Variants in DSCAM observed in about 807,000 individuals in gnomAD.
The protein encoded by DSCAM is DS cell adhesion molecule.
A neutral mutation model predicts 217.7 loss-of-function variants in DSCAM; 47 were observed. The observed-to-expected ratio is 0.22, with a 90% CI of 0.17 to 0.28. DSCAM has a LOEUF of 0.28. DSCAM is among the 10% of genes least tolerant of loss of function. The pLI, the probability that DSCAM is intolerant of heterozygous loss-of-function variation, is 1.00. For synonymous variants in DSCAM, 1,056 were observed against 1,015.3 expected (o/e 1.04, Z -0.76); for missense variants, 2,080 against 2,618.3 (o/e 0.79, Z 4.49).
intron 3 of DSCAM, among the ~76,000 whole-genome samples, chr21:40,557,626 T>C (rs1041020737): frequency 4.6e-5 from 7 of 152,210 alleles, no homozygotes. Flanking sequence ...TGAGCCACCA[T>C]GCCCAGCTGC....
chr21:40,359,306 G>T (rs1386657919), intron 4 of DSCAM, among the ~76,000 whole-genome samples: 2 of 152,178 alleles, frequency 1.3e-5, no homozygotes, highest in Admixed American at 1.3e-4. Context: ...CTTTTAAGCA[G>T]AATTTCCTAC....
intron 3 of DSCAM, among the ~76,000 whole-genome samples, chr21:40,517,458 G>A (rs62225542): frequency 0.085 from 12,612 of 147,932 alleles, 662 homozygotes; most frequent in Middle Eastern, 0.16. Flanking sequence ...TTTTCTTCTG[G>A]GACCCAAAGC....
chr21:40,481,440 C>T (rs1054974013), intron 3 of DSCAM, among the ~76,000 whole-genome samples: 3 of 144,290 alleles, frequency 2.1e-5, no homozygotes, highest in African/African-American at 7.8e-5. Flanking sequence ...CAGAGAATGG[C>T]GTGAACCCAG....
At chr21:40,827,852 C>A (rs2091982849) in intron 1 of DSCAM, among the ~76,000 whole-genome samples, 1 of 152,154 alleles carries the variant, frequency 6.6e-6, no homozygotes, top group Admixed American at 6.5e-5. Context: ...ACTGTAAGGA[C>A]CTCACATCAA....
chr21:40,053,333 C>T (rs1268065953), intron 29 of DSCAM, among the ~76,000 whole-genome samples: 4 of 152,210 alleles, frequency 2.6e-5, no homozygotes, highest in African/African-American at 7.2e-5. Context: ...GGTCCGGCCC[C>T]GTGGCGGTCA....
chr21:40,653,898 C>A (rs2090043935), intron 3 of DSCAM, among the ~76,000 whole-genome samples: 1 of 151,996 alleles, frequency 6.6e-6, no homozygotes, highest in Non-Finnish European at 1.5e-5. Context: ...AGTTCAAGAC[C>A]AGCCTGGGCA....
chr21:40,489,371 G>A (rs71318523), intron 3 of DSCAM, among the ~76,000 whole-genome samples: 7,176 of 152,220 alleles, frequency 0.047, 231 homozygotes, highest in Non-Finnish European at 0.074. Context: ...AACTTAAACT[G>A]CAACATTTGC....
intron 8 of DSCAM, among the ~76,000 whole-genome samples, chr21:40,322,100 T>C (rs574889640): frequency 6.6e-6 from 1 of 152,324 alleles, no homozygotes; most frequent in East Asian, 1.9e-4. Context: ...ATTTCTCTGA[T>C]GGTATTGTGT....
chr21:40,487,233 C>A (rs919743686), intron 3 of DSCAM, among the ~76,000 whole-genome samples: 4 of 140,622 alleles, frequency 2.8e-5, no homozygotes, highest in African/African-American at 9.9e-5. Flanking sequence ...TAACCTGTAA[C>A]TCTCTCTCTC....
intron 11 of DSCAM, among the ~76,000 whole-genome samples, chr21:40,212,715 T>C (rs1253159283): frequency 1.3e-5 from 2 of 152,146 alleles, no homozygotes; most frequent in South Asian, 2.1e-4. Context: ...CAAAAATATA[T>C]CAACATCCCA....
chr21:40,420,338 G>A (rs967599531), intron 3 of DSCAM, among the ~76,000 whole-genome samples: 8 of 152,088 alleles, frequency 5.3e-5, no homozygotes, highest in East Asian at 1.9e-4. Context: ...TCTGGATTTC[G>A]TTTATCTTTT....
At chr21:40,403,472 G>C (rs2075255439) in intron 3 of DSCAM, among the ~76,000 whole-genome samples, 1 of 152,018 alleles carries the variant, frequency 6.6e-6, no homozygotes, top group South Asian at 2.1e-4. Context: ...ATAAATTAAA[G>C]ACAATGCCCA....
At chr21:40,480,925 A>G (rs1270420426) in intron 3 of DSCAM, among the ~76,000 whole-genome samples, 1 of 152,210 alleles carries the variant, frequency 6.6e-6, no homozygotes, top group Non-Finnish European at 1.5e-5. Context: ...GATTTGGGAA[A>G]GAATTAACAA....
At chr21:40,726,784 T>C (rs1200834078) in intron 1 of DSCAM, among the ~76,000 whole-genome samples, 2 of 152,108 alleles carry the variant, frequency 1.3e-5, no homozygotes, top group African/African-American at 4.8e-5. Context: ...GTAGAGCCTT[T>C]AAGAGGTTAT....
chr21:40,181,648 CTAA>C lies in DSCAM; in HGVS notation c.2780-2557_2780-2555del, dbSNP rs781427014. ...ACCTCCACATACTCTCTGAAAACAC[CTAA>C]TAAGACAGGATTTTGATATTTCCGG... On this transcript the variant is annotated intron_variant, in intron 14 of 32. Coordinates refer to ENST00000400454, the MANE Select transcript of DSCAM (RefSeq NM_001389.5). Among the ~76,000 whole-genome samples, 16 of 151,112 alleles carry C rather than the reference CTAA, an allele frequency of 1.1e-4. 1 individual carries two copies. The highest frequency in any genetic ancestry group is 1.8e-4 in the Non-Finnish European group (12 of 67,948).
At chr21:40,456,143 T>C (rs538492996) in intron 3 of DSCAM, among the ~76,000 whole-genome samples, 1 of 151,864 alleles carries the variant, frequency 6.6e-6, no homozygotes, top group South Asian at 2.1e-4. Context: ...TTTTAAATAA[T>C]AGAGAAGTAT....
chr21:40,438,582 T>C (rs969246800), intron 3 of DSCAM, among the ~76,000 whole-genome samples: 2 of 152,212 alleles, frequency 1.3e-5, no homozygotes, highest in Non-Finnish European at 2.9e-5. Flanking sequence ...CTCATCAACA[T>C]TTAGTTGTTG....
At chr21:40,765,209 T>C (rs564732213) in intron 1 of DSCAM, among the ~76,000 whole-genome samples, 1 of 152,304 alleles carries the variant, frequency 6.6e-6, no homozygotes, top group South Asian at 2.1e-4. Context: ...GGGCATACTT[T>C]CCTAACCAAT....
At chr21:40,465,648 C>T (rs925766378) in intron 3 of DSCAM, among the ~76,000 whole-genome samples, 1 of 152,186 alleles carries the variant, frequency 6.6e-6, no homozygotes. Context: ...AAACATGAGA[C>T]ATTTTTGCAA....
Sources: allele counts gnomAD v4.1 joint callset (sites outside exome capture counted in the v4.1 genomes callset), GRCh38; gene constraint gnomAD v4.1.1; transcripts MANE v1.5; gene names NCBI Gene and HGNC (gene_info 2026-07-23, HGNC 2026-07-21).